Variants in ZFHX3 observed in about 807,000 individuals in gnomAD.
The protein encoded by ZFHX3 is zinc finger homeobox protein 3.
ZFHX3 carries 42 observed loss-of-function variants against 279.1 expected under a neutral mutation model. The observed-to-expected ratio is 0.15, with a 90% confidence interval of 0.12 to 0.19. ZFHX3 has a LOEUF of 0.19. Ranked by LOEUF, ZFHX3 falls within the 10% of genes least tolerant of loss-of-function variation. The probability of loss-of-function intolerance (pLI) is 1.00; values close to 1 mark genes in which losing one functional copy is unlikely to be tolerated. For missense variants in ZFHX3, 4,981 were observed against 4,754.0 expected, an observed-to-expected ratio of 1.05 and a Z score of -1.40; for synonymous variants, 2,293 against 1,957.8, an observed-to-expected ratio of 1.17 and a Z score of -4.52.
chr16:73,874,748 T>C (rs938150753), intron 1 of ZFHX3, among the ~76,000 whole-genome samples: 2 of 152,204 alleles, frequency 1.3e-5, no homozygotes, highest in African/African-American at 4.8e-5. Context: ...GAAAACTGAA[T>C]ATTCACATAC....
At chr16:73,832,090 G>A (rs780871205) in intron 1 of ZFHX3, among the ~76,000 whole-genome samples, 50 of 152,126 alleles carry the variant, frequency 3.3e-4, no homozygotes, top group Non-Finnish European at 1.2e-4. Context: ...TAGTAGAGAT[G>A]GGGTTTCACC....
chr16:73,088,466 C>T (rs1966035621), intron 8 of ZFHX3, among the ~76,000 whole-genome samples: 1 of 152,162 alleles, frequency 6.6e-6, no homozygotes, highest in Admixed American at 6.5e-5. Flanking sequence ...TCTTTTATTT[C>T]ATATACCTGT....
At position 73,848,194 on chromosome 16, in the gene ZFHX3, A is replaced by G. The variant is rs16972687; in HGVS notation, c.-1608+43457T>C. 5.1e-3 allele frequency among the ~76,000 whole-genome samples: 770 copies of G among 152,170 alleles called. 4 individuals are homozygous for G. Among genetic ancestry groups the G allele is most frequent in the African/African-American group, 0.018 (732 of 41,494 alleles). ...CAACATTTCCCTAAATAGCAGTTGG[A>G]GCTGGTCCTACTCTCAGAACTGAGA... On this transcript the variant is annotated intron_variant, in intron 1 of 17. Transcript: ENST00000641206.
chr16:73,498,637 T>C (rs867337322), intron 2 of ZFHX3, among the ~76,000 whole-genome samples: 1 of 152,314 alleles, frequency 6.6e-6, no homozygotes, highest in Non-Finnish European at 1.5e-5. Flanking sequence ...GGAGTAATTA[T>C]TGGCTAGCAG....
intron 5 of ZFHX3, among the ~76,000 whole-genome samples, chr16:72,827,585 G>A (rs545264445): frequency 5.9e-5 from 9 of 152,160 alleles, no homozygotes; most frequent in Admixed American, 1.3e-4. Flanking sequence ...CTCACCTGGC[G>A]ATCTGTTTAA....
chr16:73,627,551 C>T (rs753166522), intron 2 of ZFHX3, among the ~76,000 whole-genome samples: 1 of 152,114 alleles, frequency 6.6e-6, no homozygotes, highest in Non-Finnish European at 1.5e-5. Context: ...TGAGAAAAAC[C>T]TGCAATGGGT....
At chr16:73,657,850 C>T (rs534114478) in intron 2 of ZFHX3, among the ~76,000 whole-genome samples, 7 of 152,286 alleles carry the variant, frequency 4.6e-5, no homozygotes, top group East Asian at 1.9e-4. Context: ...CATTCATCAG[C>T]AGACAGACAT....
At chr16:73,858,897 C>T (rs968723016) in intron 1 of ZFHX3, among the ~76,000 whole-genome samples, 1 of 152,106 alleles carries the variant, frequency 6.6e-6, no homozygotes, top group East Asian at 1.9e-4. Context: ...CCAGCTTTTC[C>T]CAAATGAACT....
At chr16:72,937,131 C>A (rs956346017) in intron 3 of ZFHX3, among the ~76,000 whole-genome samples, 1 of 152,084 alleles carries the variant, frequency 6.6e-6, no homozygotes, top group Non-Finnish European at 1.5e-5. Flanking sequence ...GCTAAGCCTG[C>A]GGAGTTCATT....
intron 2 of ZFHX3, among the ~76,000 whole-genome samples, chr16:73,476,794 A>T (rs1428295034): frequency 2.6e-5 from 4 of 152,218 alleles, no homozygotes; most frequent in South Asian, 2.1e-4. Context: ...CAAGTTCATT[A>T]AAAAATGGAG....
chr16:73,574,010 T>G (rs1412860450), intron 2 of ZFHX3, among the ~76,000 whole-genome samples: 1 of 152,194 alleles, frequency 6.6e-6, no homozygotes, highest in Non-Finnish European at 1.5e-5. Flanking sequence ...TGTCTTCCTT[T>G]TTTCCTTTCT....
At chr16:73,493,568 C>T (rs923097865) in intron 2 of ZFHX3, among the ~76,000 whole-genome samples, 2 of 152,200 alleles carry the variant, frequency 1.3e-5, no homozygotes, top group Admixed American at 6.5e-5. Context: ...CCAGCATGGG[C>T]AGGGCCAGGC....
At chr16:73,287,527 G>T (rs1368437500) in intron 4 of ZFHX3, among the ~76,000 whole-genome samples, 1 of 143,904 alleles carries the variant, frequency 6.9e-6, no homozygotes, top group Non-Finnish European at 1.5e-5. Context: ...TGCATGTGTG[G>T]CTGTGTGGGT....
At chr16:72,951,091 T>C in intron 2 of ZFHX3, 126 bp from the exon 3 acceptor site, 4 of 1,340,922 alleles carry the variant, frequency 3.0e-6, no homozygotes, top group East Asian at 2.3e-5. Context: ...ATTTCAAGTG[T>C]TGCAAAGGGC....
intron 7 of ZFHX3, among the ~76,000 whole-genome samples, chr16:72,801,885 A>C (rs2036112133): frequency 1.3e-5 from 2 of 151,292 alleles, no homozygotes; most frequent in Admixed American, 1.3e-4. Context: ...GCTGAGGGGG[A>C]GCACGAGGTT....
intron 1 of ZFHX3, among the ~76,000 whole-genome samples, chr16:73,680,832 T>C (rs1290520472): frequency 6.6e-6 from 1 of 152,222 alleles, no homozygotes; most frequent in African/African-American, 2.4e-5. Flanking sequence ...CTTTGCTTCA[T>C]CTGTGCGTGT....
At chr16:73,153,556 A>T (rs996129075) in intron 5 of ZFHX3, among the ~76,000 whole-genome samples, 4 of 152,240 alleles carry the variant, frequency 2.6e-5, no homozygotes, top group African/African-American at 9.6e-5. Context: ...GGTGAGGAAG[A>T]CTTGGGTCCT....
In ZFHX3 at chr16:72,797,520, G is replaced by A. The variant is rs1192279247; in HGVS notation, c.5162C>T (p.Ser1721Phe). 6.2e-7 allele frequency: 1 copy of A among 1,613,722 alleles called. No individual in the cohort carries two copies. The highest frequency in any genetic ancestry group is 1.7e-5 in the Admixed American group (1 of 59,944). ...CTGCTGCTGTTGTTGCTGCTGCCTG[G>A]ATGCAATCATATCTGCCAGTTTCTT... The part of the protein sequence containing the change: ...NRKKLADMIA[S>F]RQQQQQQQQQ... Residue 1721 changes from serine to phenylalanine, a missense_variant, in exon 9 of 10, where the codon TCC becomes TTC. Physicochemically the swap from Ser to Phe is radical, Grantham distance 155. This residue lies in a region of ZFHX3 where 1,751 missense variants were observed against 1,770.0 expected (regional missense o/e 0.99). Transcript: ENST00000268489.
In ZFHX3 at chr16:73,562,948, T is replaced by C. The variant is rs146573558; in HGVS notation, c.-1546-106690A>G. The stretch of plus-strand genomic sequence containing the variant: ...TACAGGAAGATAAGCAGAAAATCCT[T>C]GCCTCCCATAAGGGAAACCTTTGCT... On this transcript the variant is annotated intron_variant, in intron 2 of 17. Transcript: ENST00000641206. 2.0e-4 allele frequency among the ~76,000 whole-genome samples: 31 copies of C among 152,302 alleles called. 1 individual carries two copies. Among genetic ancestry groups the C allele is most frequent in the African/African-American group, 7.5e-4 (31 of 41,580 alleles).
Sources: gnomAD v4.1 joint callset for allele counts (sites outside exome capture counted in the v4.1 genomes callset) on GRCh38, gnomAD v4.1.1 for gene constraint, gnomAD v4.1.1 regional missense constraint, MANE v1.5 for transcripts, NCBI Gene and HGNC (gene_info 2026-07-23, HGNC 2026-07-21) for gene names.